The following NLRP5 variants were observed in gnomAD, a reference collection of about 807,000 sequenced individuals.
The protein encoded by NLRP5 is NLR family pyrin domain containing 5.
In NLRP5, 93 loss-of-function variants were observed where a neutral mutation model predicts 113.1. The ratio of observed to expected loss-of-function variants is 0.82; its 90% CI spans 0.70 to 0.98. The LOEUF (loss-of-function observed/expected upper bound fraction) is 0.98, where lower values mean the gene tolerates loss of function less well. Ranked by LOEUF, NLRP5 falls within the 50% of genes least tolerant of loss-of-function variation. NLRP5 has a pLI of 0.00. For missense variants in NLRP5, 1,808 were observed against 1,514.3 expected, an observed-to-expected ratio of 1.19 and a Z score of -3.22; for synonymous variants, 751 against 600.7, an observed-to-expected ratio of 1.25 and a Z score of -3.66.
chr19:56,028,578 C>T, intron 7 of NLRP5, 69 bp downstream of exon 7: 10 of 1,418,794 alleles, frequency 7.0e-6, no homozygotes, highest in Middle Eastern at 2.4e-4. Context: ...TGGGACTTGA[C>T]ATGACTTCCA....
At chr19:56,009,276 G>T (rs568087329) in intron 3 of NLRP5, among the ~76,000 whole-genome samples, 1 of 139,738 alleles carries the variant, frequency 7.2e-6, no homozygotes, top group South Asian at 2.3e-4. Context: ...GTAGGCAGAG[G>T]TTGCAGTGAG....
intron 11 of NLRP5, among the ~76,000 whole-genome samples, chr19:56,048,442 T>A (rs1228656117): frequency 6.8e-6 from 1 of 148,076 alleles, no homozygotes; most frequent in African/African-American, 2.6e-5. Flanking sequence ...TCAGCATTTG[T>A]CTGTCTGAAA....
intron 7 of NLRP5, among the ~76,000 whole-genome samples, chr19:56,030,524 T>G (rs2123309415): frequency 1.3e-5 from 2 of 152,168 alleles, no homozygotes; most frequent in South Asian, 2.1e-4. Flanking sequence ...AAAGAACAGC[T>G]TGCCCGTTAC....
At chr19:56,036,627 A>G (rs1402444869) in intron 9 of NLRP5, among the ~76,000 whole-genome samples, 2 of 152,198 alleles carry the variant, frequency 1.3e-5, no homozygotes, top group Admixed American at 6.5e-5. Context: ...CGGCAGGAGC[A>G]TGTATAGGCT....
intron 11 of NLRP5, among the ~76,000 whole-genome samples, chr19:56,043,542 CTTTTTTTTT>C (rs369622191): frequency 3.9e-4 from 36 of 92,870 alleles, no homozygotes; most frequent in South Asian, 7.2e-4. Context: ...CTCTGCTATT[CTTTTTTTTT>C]TTTTTTTTTT....
At chr19:56,010,066 G>A (rs1250702472) in intron 3 of NLRP5, among the ~76,000 whole-genome samples, 3 of 152,130 alleles carry the variant, frequency 2.0e-5, no homozygotes, top group African/African-American at 7.2e-5. Flanking sequence ...TTGATAGTAG[G>A]ACTGAAACAA....
intron 11 of NLRP5, 103 bp downstream of exon 11, chr19:56,041,195 A>C (rs1983510445): frequency 9.4e-7 from 1 of 1,066,044 alleles, no homozygotes; most frequent in Non-Finnish European, 1.4e-6. Flanking sequence ...GGACATCATC[A>C]CATGAAGGGA....
At chr19:56,006,210 G>C (rs933720901) in intron 2 of NLRP5, among the ~76,000 whole-genome samples, 2 of 152,090 alleles carry the variant, frequency 1.3e-5, no homozygotes, top group Non-Finnish European at 2.9e-5. Flanking sequence ...TCACTCATAG[G>C]TGGGAATTGA....
intron 4 of NLRP5, 43 bp downstream of exon 4, chr19:56,015,841 A>C (rs1184319298): frequency 6.8e-7 from 1 of 1,477,276 alleles, no homozygotes; most frequent in Non-Finnish European, 9.2e-7. Context: ...TCCTGGAAGA[A>C]AGTTGGGTGA....
intron 6 of NLRP5, among the ~76,000 whole-genome samples, chr19:56,024,395 CATATATGTACATATATGTATATATGTT>C (rs1208479217): frequency 1.5e-4 from 17 of 114,348 alleles, no homozygotes; most frequent in Admixed American, 3.6e-4. Context: ...AACATATATA[CATATATGTACATATATGTATATATGTT>C]ATATATACAC....
upstream of NLRP5, among the ~76,000 whole-genome samples, chr19:55,999,212 C>CTTTTTTTT (rs906346601): frequency 4.2e-4 from 47 of 111,706 alleles, no homozygotes; most frequent in East Asian, 1.0e-3. Context: ...TTTTCTTTTT[C>CTTTTTTTT]TTTTTTTTTT....
In NLRP5 at chr19:56,061,180, A is replaced by C. The variant is rs541524679; in HGVS notation, c.3471-216A>C. On this transcript the variant is annotated intron_variant, in intron 14 of 14. Coordinates refer to ENST00000390649, the MANE Select transcript of NLRP5 (RefSeq NM_153447.4). ...TTTCAGCCAGTTCTTTCATAAGTGG[A>C]GGGGGAGTCTCCATGTTTCAGCAAG... Among the ~76,000 whole-genome samples the C allele has an allele frequency of 2.6e-5, 4 of 152,278 alleles. No homozygotes were observed. The South Asian group carries it at 6.2e-4, about 24-fold the overall frequency.
At chr19:56,045,609 G>A (rs1449846173) in intron 11 of NLRP5, among the ~76,000 whole-genome samples, 1 of 152,020 alleles carries the variant, frequency 6.6e-6, no homozygotes, top group Non-Finnish European at 1.5e-5. Context: ...CTGTGTCCAT[G>A]TGTTCTCATT....
chr19:56,035,054 T>C (rs924684972), intron 9 of NLRP5, among the ~76,000 whole-genome samples: 1 of 152,158 alleles, frequency 6.6e-6, no homozygotes, highest in Non-Finnish European at 1.5e-5. Context: ...TTCTCCTGCC[T>C]CAGCCTCCCA....
At chr19:55,990,079 C>CTTTTCTTTTCT in the NLRP5 span, among the ~76,000 whole-genome samples, 4 of 95,956 alleles carry the variant, frequency 4.2e-5, no homozygotes, top group African/African-American at 8.0e-5. Context: ...TTTCTTTTTT[C>CTTTTCTTTTCT]TTTTTTTTTT....
intron 7 of NLRP5, among the ~76,000 whole-genome samples, chr19:56,030,179 G>A (rs991181647): frequency 6.6e-6 from 1 of 151,988 alleles, no homozygotes; most frequent in African/African-American, 2.4e-5. Context: ...AGACCAGCCT[G>A]GCCAACATAG....
chr19:55,990,237 C>G, the NLRP5 span, among the ~76,000 whole-genome samples: 6 of 151,728 alleles, frequency 4.0e-5, no homozygotes, highest in East Asian at 5.9e-4. Context: ...TACAGGCACA[C>G]GCCACGATGC....
chr19:56,015,559 C>A lies in NLRP5; in HGVS notation c.509-183C>A, dbSNP rs969185502. Among the ~76,000 whole-genome samples the A allele has an allele frequency of 1.2e-4, 18 of 152,292 alleles. No homozygotes were observed. The East Asian group carries it at 2.1e-3, about 18-fold the overall frequency. The stretch of plus-strand genomic sequence containing the variant: ...TACTTTTGATTTTGAATCGTCGGAT[C>A]TTGAATCTAGTACTTATGTTACTGG... On this transcript the variant is annotated intron_variant, in intron 3 of 14. Coordinates refer to ENST00000390649, the MANE Select transcript of NLRP5 (RefSeq NM_153447.4).
chr19:56,001,412 C>T (rs1981646106), intron 1 of NLRP5, among the ~76,000 whole-genome samples: 2 of 151,518 alleles, frequency 1.3e-5, no homozygotes, highest in Non-Finnish European at 2.9e-5. Flanking sequence ...CCCACCTCTA[C>T]CCTCCTTTAA....
Sources: allele counts gnomAD v4.1 joint callset (sites outside exome capture counted in the v4.1 genomes callset), GRCh38; gene constraint gnomAD v4.1.1; transcripts MANE v1.5; gene names NCBI Gene and HGNC (gene_info 2026-07-23, HGNC 2026-07-21).